NFIA: variants seen among roughly 807,000 people sequenced by gnomAD.
NFIA encodes the protein nuclear factor I A.
A neutral mutation model predicts 62.8 loss-of-function variants in NFIA; 8 were observed. The observed-to-expected ratio is 0.13, with a 90% CI of 0.07 to 0.23. The LOEUF is 0.23. NFIA is among the 10% of genes least tolerant of loss of function. The pLI is 1.00. For missense variants in NFIA, 410 were observed against 642.1 expected (o/e 0.64, Z 3.91); for synonymous variants, 235 against 238.1 (o/e 0.99, Z 0.12).
intron 2 of NFIA, among the ~76,000 whole-genome samples, chr1:61,216,774 C>T (rs544970832): frequency 6.6e-6 from 1 of 152,126 alleles, no homozygotes; most frequent in South Asian, 2.1e-4. Context: ...CCGAGGCAGG[C>T]AGATCACTTA....
intron 10 of NFIA, among the ~76,000 whole-genome samples, chr1:61,449,505 G>A (rs1394887597): frequency 6.6e-6 from 1 of 152,214 alleles, no homozygotes; most frequent in Non-Finnish European, 1.5e-5. Flanking sequence ...CCCCTCTGAA[G>A]AAGGGACATC....
chr1:61,458,657 C>T lies in NFIA; in HGVS notation c.*3337C>T, dbSNP rs1668408271. 1 of 146,298 alleles carries T rather than the reference C, an allele frequency of 6.8e-6. No homozygotes were observed. The highest frequency in any genetic ancestry group is 2.0e-4 in the East Asian group (1 of 5,080). 9.1% of individuals were successfully genotyped at this position (146,298 alleles called of 1,614,324 possible). Reference sequence around the variant, plus strand: ...TTTCTTTTTACCCCCCCTTTGGGAACTGGATTTAAGTTTAAAACTTTCCTG... The same window carrying T: ...TTTCTTTTTACCCCCCCTTTGGGAATTGGATTTAAGTTTAAAACTTTCCTG... On this transcript the variant is annotated 3_prime_UTR_variant, in exon 11 of 11. Transcript: ENST00000403491.
At chr1:61,351,248 ATCT>A (rs1175576955) in intron 4 of NFIA, among the ~76,000 whole-genome samples, 1 of 152,204 alleles carries the variant, frequency 6.6e-6, no homozygotes, top group Non-Finnish European at 1.5e-5. Flanking sequence ...TAAAAAATTA[ATCT>A]GTCAGACTTT....
intron 2 of NFIA, among the ~76,000 whole-genome samples, chr1:61,089,717 A>G (rs1339371697): frequency 8.6e-6 from 1 of 116,850 alleles, no homozygotes; most frequent in Non-Finnish European, 1.8e-5. Context: ...TTTTTTTTAC[A>G]AAGGAGAGAT....
intron 2 of NFIA, among the ~76,000 whole-genome samples, chr1:61,273,215 C>T (rs889201966): frequency 6.6e-6 from 1 of 152,120 alleles, no homozygotes; most frequent in African/African-American, 2.4e-5. Context: ...GTGGGTTTCT[C>T]TAATCATTGT....
chr1:61,381,768 G>C lies in NFIA; in HGVS notation c.947-1469G>C, dbSNP rs543853106. 3.7e-4 allele frequency among the ~76,000 whole-genome samples: 57 copies of C among 152,204 alleles called. 1 individual carries two copies. The South Asian group carries it at 0.011, about 28-fold the overall frequency. On this transcript the variant is annotated intron_variant, in intron 6 of 10. Coordinates refer to ENST00000403491, the MANE Select transcript of NFIA (RefSeq NM_001134673.4). ...CCTTGGAGGTCTTGGACATAGAGGG[G>C]AACAAAGCAGACAAGGACTCTGTCC...
intron 3 of NFIA, among the ~76,000 whole-genome samples, chr1:61,318,148 T>C (rs1292972440): frequency 6.6e-6 from 1 of 152,156 alleles, no homozygotes; most frequent in African/African-American, 2.4e-5. Flanking sequence ...TTTTTTCAGA[T>C]CACAAACAAC....
chr1:61,107,256 T>C (rs1436014723), intron 2 of NFIA, among the ~76,000 whole-genome samples: 1 of 151,676 alleles, frequency 6.6e-6, no homozygotes, highest in Non-Finnish European at 1.5e-5. Context: ...TATTTTATCT[T>C]ACTAACAAGT....
At chr1:61,264,749 T>C (rs568393624) in intron 2 of NFIA, among the ~76,000 whole-genome samples, 25 of 151,188 alleles carry the variant, frequency 1.7e-4, no homozygotes, top group African/African-American at 5.6e-4. Context: ...ACGAAGACAA[T>C]TTAATTTTGG....
intron 2 of NFIA, among the ~76,000 whole-genome samples, chr1:61,137,845 T>C (rs998671140): frequency 6.6e-6 from 1 of 152,214 alleles, no homozygotes; most frequent in African/African-American, 2.4e-5. Context: ...TGAAATCTTT[T>C]CCAGTTGTGA....
At chr1:61,135,455 G>C (rs1163363446) in intron 2 of NFIA, among the ~76,000 whole-genome samples, 1 of 152,112 alleles carries the variant, frequency 6.6e-6, no homozygotes, top group South Asian at 2.1e-4. Context: ...TGCACAGGCT[G>C]GAGTGCAGTG....
At chr1:61,383,453 CT>C (rs1664523703) in intron 7 of NFIA, 88 bp downstream of exon 7, 7 of 1,539,548 alleles carry the variant, frequency 4.5e-6, no homozygotes, top group African/African-American at 2.7e-5. Context: ...AGGACTCCCC[CT>C]GAACACTCGT....
intron 5 of NFIA, among the ~76,000 whole-genome samples, chr1:61,357,909 C>T (rs1663049317): frequency 6.6e-6 from 1 of 152,262 alleles, no homozygotes; most frequent in South Asian, 2.1e-4. Flanking sequence ...CTGCAAACTT[C>T]CTGATTCTGT....
intron 2 of NFIA, among the ~76,000 whole-genome samples, chr1:61,242,691 A>G (rs541521354): frequency 1.8e-4 from 28 of 152,190 alleles, no homozygotes; most frequent in Non-Finnish European, 3.7e-4. Context: ...GTTTAATATC[A>G]GCAATGGACT....
intron 4 of NFIA, among the ~76,000 whole-genome samples, chr1:61,340,166 T>A (rs1661822107): frequency 6.6e-6 from 1 of 152,202 alleles, no homozygotes; most frequent in Non-Finnish European, 1.5e-5. Flanking sequence ...AGACTATGAA[T>A]ACTCTTATTA....
At position 61,249,761 on chromosome 1, in the gene NFIA, C is replaced by T. The variant is rs577020506; in HGVS notation, c.560-27759C>T. On this transcript the variant is annotated intron_variant, in intron 2 of 10. Transcript: ENST00000403491. Reference sequence around the variant, plus strand: ...CGGAGGTTGCAGTGAGCCAGTGAGCCAAGATCATGCCACAGCATTCCAGCC... The same window carrying T: ...CGGAGGTTGCAGTGAGCCAGTGAGCTAAGATCATGCCACAGCATTCCAGCC... Among the ~76,000 whole-genome samples the T allele has an allele frequency of 9.2e-5, 14 of 152,076 alleles. 1 individual carries two copies. The highest frequency in any genetic ancestry group is 1.8e-4 in the Non-Finnish European group (12 of 68,004).
chr1:61,077,333 T>A (rs1456648299), upstream of NFIA: 1 of 334,266 alleles, frequency 3.0e-6, no homozygotes, highest in Admixed American at 4.7e-5. Flanking sequence ...CCAGCCCGGG[T>A]TGGATCGCTT....
rs1279463021 is a variant in NFIA at position 61,456,796 on chromosome 1, A to G, written c.*1476A>G. 9.0e-6 allele frequency: 1 copy of G among 111,048 alleles called. No homozygotes were observed. 6.9% of individuals were successfully genotyped at this position (111,048 alleles called of 1,614,324 possible). A position where few individuals can be genotyped will look rare whatever the true frequency, so the allele number is the denominator to read the frequency against. On this transcript the variant is annotated 3_prime_UTR_variant, in exon 11 of 11. Coordinates refer to ENST00000403491, the MANE Select transcript of NFIA (RefSeq NM_001134673.4). The stretch of plus-strand genomic sequence containing the variant: ...ACCCCCAAACGTCCTGTATCTTATG[A>G]AAAAAAAAACAAAAAACAAAAACAA...
At chr1:61,101,145 C>G (rs926161659) in intron 2 of NFIA, among the ~76,000 whole-genome samples, 1 of 151,980 alleles carries the variant, frequency 6.6e-6, no homozygotes, top group Admixed American at 6.6e-5. Flanking sequence ...CCTGTAATCC[C>G]GGCACTTTGG....
Sources: gnomAD v4.1 joint callset for allele counts (sites outside exome capture counted in the v4.1 genomes callset) on GRCh38, gnomAD v4.1.1 for gene constraint, MANE v1.5 for transcripts, NCBI Gene and HGNC (gene_info 2026-07-23, HGNC 2026-07-21) for gene names.